Variants in SLC2A13 observed in about 807,000 individuals in gnomAD.
The protein encoded by SLC2A13 is solute carrier family 2 member 13, also known as proton myo-inositol cotransporter.
A neutral mutation model predicts 64.4 loss-of-function variants in SLC2A13; 32 were observed. That is an observed-to-expected ratio of 0.50 (90% CI 0.37 to 0.67). SLC2A13 has a LOEUF of 0.67. Among genes scored for constraint, SLC2A13 ranks in the 30% least tolerant of loss-of-function variants. The probability of loss-of-function intolerance (pLI) is 0.00; values close to 1 mark genes in which losing one functional copy is unlikely to be tolerated. For missense variants in SLC2A13, 743 were observed against 829.2 expected (o/e 0.90, Z 1.28); for synonymous variants, 338 against 327.1 (o/e 1.03, Z -0.36).
At chr12:39,798,441 A>T (rs1016350638) in intron 7 of SLC2A13, among the ~76,000 whole-genome samples, 1 of 152,264 alleles carries the variant, frequency 6.6e-6, no homozygotes, top group Non-Finnish European at 1.5e-5. Flanking sequence ...ATTAACTTGA[A>T]TAAGTAACTG....
chr12:39,978,679 C>T (rs11174565), intron 3 of SLC2A13, among the ~76,000 whole-genome samples: 2,160 of 152,202 alleles, frequency 0.014, 19 homozygotes, highest in Non-Finnish European at 0.021. Context: ...CCTACGCCCA[C>T]GGAATCTCGC....
At chr12:40,079,432 G>A (rs1235927446) in intron 1 of SLC2A13, among the ~76,000 whole-genome samples, 1 of 152,112 alleles carries the variant, frequency 6.6e-6, no homozygotes, top group Non-Finnish European at 1.5e-5. Context: ...GATCTTCTTG[G>A]TATTGATTTC....
chr12:39,915,637 C>A (rs569568821), intron 4 of SLC2A13, among the ~76,000 whole-genome samples: 2 of 151,912 alleles, frequency 1.3e-5, no homozygotes, highest in South Asian at 4.1e-4. Context: ...TTAAAAATAG[C>A]CAGTGATGAC....
intron 4 of SLC2A13, among the ~76,000 whole-genome samples, chr12:39,897,544 G>T (rs1944958971): frequency 6.6e-6 from 1 of 152,148 alleles, no homozygotes; most frequent in Non-Finnish European, 1.5e-5. Flanking sequence ...TCCCTGTGTG[G>T]GGATGGAAAT....
chr12:39,991,462 T>C (rs928138215), intron 3 of SLC2A13, among the ~76,000 whole-genome samples: 1 of 152,144 alleles, frequency 6.6e-6, no homozygotes, highest in Admixed American at 6.5e-5. Context: ...GGACGCCTCA[T>C]AAGTGCATGT....
intron 1 of SLC2A13, among the ~76,000 whole-genome samples, chr12:40,060,058 T>C (rs1948392885): frequency 6.6e-6 from 1 of 152,006 alleles, no homozygotes; most frequent in Admixed American, 6.6e-5. Context: ...AAATTGTGGA[T>C]GAAAATCTAT....
chr12:39,865,073 T>C lies in SLC2A13; in HGVS notation c.1199-191A>G, dbSNP rs117169748. ...TAAACAAATTATCAGAACTATTCACTAGCACGTTCATTGTGAGACATGATG... is the reference window on the plus strand; with the variant it reads ...TAAACAAATTATCAGAACTATTCACCAGCACGTTCATTGTGAGACATGATG... On this transcript the variant is annotated intron_variant, in intron 5 of 9. Coordinates refer to ENST00000280871, the MANE Select transcript of SLC2A13 (RefSeq NM_052885.4). 8.6e-3 allele frequency among the ~76,000 whole-genome samples: 1,313 copies of C among 152,310 alleles called. 12 individuals carry two copies. Among genetic ancestry groups the C allele is most frequent in the Non-Finnish European group, 0.015 (1,019 of 68,026 alleles).
chr12:39,820,816 C>T (rs1269031886), intron 7 of SLC2A13, among the ~76,000 whole-genome samples: 1 of 147,492 alleles, frequency 6.8e-6, no homozygotes, highest in African/African-American at 2.5e-5. Context: ...TCTTCTATAT[C>T]CCTTATATTA....
At chr12:39,942,543 A>G (rs1329657434) in intron 4 of SLC2A13, among the ~76,000 whole-genome samples, 1 of 152,176 alleles carries the variant, frequency 6.6e-6, no homozygotes, top group African/African-American at 2.4e-5. Flanking sequence ...AGAGCTACTG[A>G]TTTGTGTATA....
intron 9 of SLC2A13, 120 bp from the exon 10 acceptor site, chr12:39,760,372 G>A (rs1179255752): frequency 6.3e-6 from 5 of 794,568 alleles, no homozygotes; most frequent in Admixed American, 5.9e-5. Flanking sequence ...AGTATGAAAT[G>A]GACCAAAAAA....
At chr12:40,071,422 TA>T (rs1937950791) in intron 1 of SLC2A13, among the ~76,000 whole-genome samples, 1 of 152,176 alleles carries the variant, frequency 6.6e-6, no homozygotes, top group Non-Finnish European at 1.5e-5. Context: ...TTCAATTTTA[TA>T]ATATTTTATT....
At chr12:39,946,857 C>T (rs1179634675) in intron 4 of SLC2A13, among the ~76,000 whole-genome samples, 1 of 152,184 alleles carries the variant, frequency 6.6e-6, no homozygotes, top group Admixed American at 6.5e-5. Context: ...CATTTGCGTC[C>T]TCCCTTATGG....
At chr12:39,812,476 C>T (rs1942205756) in intron 7 of SLC2A13, among the ~76,000 whole-genome samples, 1 of 149,006 alleles carries the variant, frequency 6.7e-6, no homozygotes, top group Non-Finnish European at 1.5e-5. Flanking sequence ...TCTTTCTCCC[C>T]TTCTCTCTTT....
At chr12:39,900,852 T>G (rs536029511) in intron 4 of SLC2A13, among the ~76,000 whole-genome samples, 8 of 152,284 alleles carry the variant, frequency 5.3e-5, no homozygotes, top group African/African-American at 1.4e-4. Context: ...AAAGTTCATA[T>G]GCAACCAAAA....
intron 6 of SLC2A13, among the ~76,000 whole-genome samples, chr12:39,860,651 T>C (rs1481527065): frequency 6.6e-6 from 1 of 152,234 alleles, no homozygotes; most frequent in African/African-American, 2.4e-5. Context: ...GTCCACCTTT[T>C]TTCTCATGCA....
intron 6 of SLC2A13, among the ~76,000 whole-genome samples, chr12:39,845,005 C>T (rs1943269138): frequency 6.7e-6 from 1 of 149,736 alleles, no homozygotes; most frequent in Non-Finnish European, 1.5e-5. Flanking sequence ...TTAAAGTGAC[C>T]ACTTGATAAA....
rs559941645 is a variant in SLC2A13, at chr12:39,896,386, A to G, written c.1035-24425T>C. On this transcript the variant is annotated intron_variant, in intron 4 of 9. Coordinates refer to ENST00000280871, the MANE Select transcript of SLC2A13 (RefSeq NM_052885.4). ...TATATATGTATACATATATGTATGT[A>G]TATGTGTATATATGTATACATATAT... is the stretch of plus-strand genomic sequence containing the variant. 2.3e-3 allele frequency among the ~76,000 whole-genome samples: 302 copies of G among 130,738 alleles called. 9 individuals are homozygous for G. The highest frequency in any genetic ancestry group is 8.3e-3 in the African/African-American group (266 of 32,186). The allele number at this position is 130,738 out of a possible 152,430, so 85.8% of individuals were successfully genotyped here.
intron 3 of SLC2A13, among the ~76,000 whole-genome samples, chr12:39,994,168 T>C (rs1947185820): frequency 6.6e-6 from 1 of 151,846 alleles, no homozygotes; most frequent in South Asian, 2.1e-4. Context: ...GGTGGACGGA[T>C]CACGAGGTCA....
At chr12:40,064,124 G>C (rs1249031436) in intron 1 of SLC2A13, among the ~76,000 whole-genome samples, 1 of 151,950 alleles carries the variant, frequency 6.6e-6, no homozygotes, top group Non-Finnish European at 1.5e-5. Flanking sequence ...GCACACCTGT[G>C]ATCCCAGCTA....
Sources: gnomAD v4.1 joint callset for allele counts (sites outside exome capture counted in the v4.1 genomes callset) on GRCh38, gnomAD v4.1.1 for gene constraint, MANE v1.5 for transcripts, NCBI Gene and HGNC (gene_info 2026-07-23, HGNC 2026-07-21) for gene names.